WNT9A: variants seen among roughly 807,000 people sequenced by gnomAD.
WNT9A encodes the protein Wnt family member 9A, also known as protein Wnt-9a.
WNT9A carries 8 observed loss-of-function variants against 31.4 expected under a neutral mutation model. The ratio of observed to expected loss-of-function variants is 0.26; its 90% CI spans 0.15 to 0.46. The LOEUF is 0.46. Ranked by LOEUF, WNT9A falls within the 20% of genes least tolerant of loss-of-function variation. WNT9A has a pLI of 0.99. For synonymous variants in WNT9A, 236 were observed against 220.1 expected, an observed-to-expected ratio of 1.07 and a Z score of -0.64; for missense variants, 457 against 522.9, an observed-to-expected ratio of 0.87 and a Z score of 1.23.
rs1213989309 is a variant in WNT9A at position 227,925,506 on chromosome 1, C to T, written c.109G>A (p.Glu37Lys). The change falls in exon 2 of 4, where the codon GAG becomes AAG. Residue 37 changes from glutamate to lysine, a missense_variant. Physicochemically the swap from Glu to Lys is moderately conservative, Grantham distance 56 (BLOSUM62 1). Transcript: ENST00000272164. The surrounding 1 kb of genome is among the most constrained non-coding windows in gnomAD (Gnocchi z 6.0). ...SAAYFGLTGS[E>K]PLTILPLTLE... ...GTCAGCGGGAGGATGGTCAGGGGCTCGCTGCCCGTCAGCCTGGGCACAGAG... is the reference window on the plus strand; with the variant it reads ...GTCAGCGGGAGGATGGTCAGGGGCTTGCTGCCCGTCAGCCTGGGCACAGAG... 1.0e-5 allele frequency: 16 copies of T among 1,549,156 alleles called. No homozygotes were observed. Among genetic ancestry groups the T allele is most frequent in the South Asian group, 5.9e-5 (5 of 84,650 alleles).
intron 1 of WNT9A, among the ~76,000 whole-genome samples, chr1:227,944,154 C>T (rs138334891): frequency 6.6e-6 from 1 of 152,120 alleles, no homozygotes; most frequent in Non-Finnish European, 1.5e-5. Flanking sequence ...AACTGATGAA[C>T]GGTCAAAAAA....
chr1:227,925,282 C>A lies in WNT9A; in HGVS notation c.333G>T (p.Arg111=), dbSNP rs750870659. 4.5e-6 allele frequency: 7 copies of A among 1,567,412 alleles called. No individual in the cohort carries two copies. In the Admixed American group the frequency reaches 1.2e-4, roughly 28 times the overall value. ...RWNCTLEGRY[R]ASLLKRGFKE... Reference sequence around the variant, plus strand: ...ACTCACCTCGCTTGAGCAGGCTGGCCCGGTAGCGGCCCTCCAGCGTGCAGT... The same window carrying A: ...ACTCACCTCGCTTGAGCAGGCTGGCACGGTAGCGGCCCTCCAGCGTGCAGT... The change falls in exon 2 of 4, where the codon CGG becomes CGT. Residue 111 remains arginine (R), a synonymous_variant. Coordinates refer to ENST00000272164, the MANE Select transcript of WNT9A (RefSeq NM_003395.4). This position sits in a 1 kb window ranked among gnomAD's most constrained non-coding sequence, Gnocchi z 6.0.
rs1666327325 is a variant in WNT9A, at chr1:227,921,994, T to C, written c.622A>G (p.Lys208Glu). Residue 208 changes from lysine (K) to glutamate (E), a missense_variant, in exon 4 of 4, where the codon AAG (lysine) becomes GAG (glutamate). Lys to Glu is a moderately conservative substitution (Grantham distance 56). Transcript: ENST00000272164. ...HNNLVGVKVIKAGVETTCKCH... is the reference protein window; with the variant it reads ...HNNLVGVKVIEAGVETTCKCH... ...TTGCAGGTGGTCTCCACCCCAGCCT[T>C]GATCACCTGGCAGAAGGGTGCGGGA... The C allele has an allele frequency of 1.9e-6, 3 of 1,605,474 alleles. No individual in the cohort carries two copies. Among genetic ancestry groups the C allele is most frequent in the Admixed American group, 1.7e-5 (1 of 59,766 alleles).
At chr1:227,934,383 T>A (rs1358827477) in intron 1 of WNT9A, among the ~76,000 whole-genome samples, 2 of 152,262 alleles carry the variant, frequency 1.3e-5, no homozygotes, top group African/African-American at 4.8e-5. Context: ...TCTGGTTTTG[T>A]CAGTTTCATC....
intron 3 of WNT9A, among the ~76,000 whole-genome samples, chr1:227,923,336 T>C (rs1014959197): frequency 1.3e-5 from 2 of 152,082 alleles, no homozygotes; most frequent in Admixed American, 6.5e-5. Flanking sequence ...CAGCTTCCAA[T>C]AGAGGTGTCA....
chr1:227,927,339 C>T (rs568644437), intron 1 of WNT9A, among the ~76,000 whole-genome samples: 160 of 152,274 alleles, frequency 1.1e-3, no homozygotes, highest in African/African-American at 3.6e-3. Flanking sequence ...CCCAGAGGCA[C>T]GGGCCCCATG....
At chr1:227,936,031 C>T (rs750115416) in intron 1 of WNT9A, among the ~76,000 whole-genome samples, 2 of 152,336 alleles carry the variant, frequency 1.3e-5, no homozygotes, top group East Asian at 1.9e-4. Context: ...TCAGAGCCCA[C>T]GCTCTGCCCT....
At position 227,921,938 on chromosome 1, in the gene WNT9A, C is replaced by G. The variant is rs1034944815; in HGVS notation, c.678G>C (p.Val226=). ...GCGCCAACTGCCGCCAGCAGGTCCG[C>G]ACCGTGCATGAGCCTGACACGCCGT... The part of the protein sequence containing the change: ...KCHGVSGSCT[V]RTCWRQLAPF... The change falls in exon 4 of 4, where the codon GTG becomes GTC. Residue 226 remains valine (V), a synonymous_variant. Transcript: ENST00000272164. 1 of 1,613,148 alleles carries G rather than the reference C, an allele frequency of 6.2e-7. No individual in the cohort carries two copies. Among genetic ancestry groups the G allele is most frequent in the Non-Finnish European group, 8.5e-7 (1 of 1,179,930 alleles).
At position 227,925,482 on chromosome 1, in the gene WNT9A, T is replaced by C. The variant is rs1158957479; in HGVS notation, c.133A>G (p.Thr45Ala). The C allele has an allele frequency of 2.9e-5, 45 of 1,573,034 alleles. No homozygotes were observed. Among genetic ancestry groups the C allele is most frequent in the Non-Finnish European group, 3.9e-5 (45 of 1,163,936 alleles). The change falls in exon 2 of 4, where the codon ACC (threonine) becomes GCC (alanine). Residue 45 changes from threonine (T) to alanine (A), a missense_variant. By Grantham distance (58) the Thr-to-Ala change is moderately conservative. Coordinates refer to ENST00000272164, the MANE Select transcript of WNT9A (RefSeq NM_003395.4). The surrounding 1 kb of genome is among the most constrained non-coding windows in gnomAD (Gnocchi z 6.0). Reference protein sequence around the residue: ...GSEPLTILPLTLEPEAAAQAH... With the variant: ...GSEPLTILPLALEPEAAAQAH... The stretch of plus-strand genomic sequence containing the variant: ...TGGGCAGCCGCCTCTGGCTCCAGGG[T>C]CAGCGGGAGGATGGTCAGGGGCTCG...
intron 1 of WNT9A, among the ~76,000 whole-genome samples, chr1:227,939,060 C>T (rs1002277224): frequency 6.6e-6 from 1 of 152,226 alleles, no homozygotes; most frequent in Non-Finnish European, 1.5e-5. Context: ...CAGCCACTTC[C>T]CACCTCTGAC....
At chr1:227,947,698 C>T (rs1666817819) in intron 1 of WNT9A, 95 bp downstream of exon 1, 2 of 750,224 alleles carry the variant, frequency 2.7e-6, no homozygotes, top group Non-Finnish European at 3.3e-6. Flanking sequence ...CGCCCCGGCC[C>T]CAGCCACCCC....
chr1:227,941,391 G>A (rs1363795565), intron 1 of WNT9A, among the ~76,000 whole-genome samples: 4 of 150,100 alleles, frequency 2.7e-5, no homozygotes, highest in East Asian at 2.0e-4. Flanking sequence ...AGAGTTGAGC[G>A]ACCAGGGAGA....
intron 1 of WNT9A, among the ~76,000 whole-genome samples, chr1:227,947,535 GCGACTA>G (rs535868104): frequency 6.6e-6 from 1 of 151,814 alleles, no homozygotes; most frequent in African/African-American, 2.4e-5. Context: ...GCTCACGGCG[GCGACTA>G]CGACGACGAC....
In WNT9A at chr1:227,925,631, G is replaced by C; in HGVS notation, c.96-112C>G. The C allele has an allele frequency of 1.4e-6, 2 of 1,404,332 alleles. No homozygotes were observed. Among genetic ancestry groups the C allele is most frequent in the Non-Finnish European group, 1.9e-6 (2 of 1,077,070 alleles). The allele number at this position is 1,404,332 out of a possible 1,614,324, so 87.0% of individuals were successfully genotyped here. On this transcript the variant is annotated intron_variant, in intron 1 of 3. Coordinates refer to ENST00000272164, the MANE Select transcript of WNT9A (RefSeq NM_003395.4). The surrounding 1 kb of genome is among the most constrained non-coding windows in gnomAD (Gnocchi z 6.0). ...ACAGGCGTGTCCATCCGGGGGTGAG[G>C]GGGCAGAAAGAATCCAGGATGAGCC... is the stretch of plus-strand genomic sequence containing the variant.
intron 1 of WNT9A, among the ~76,000 whole-genome samples, chr1:227,929,775 A>G (rs1666477453): frequency 6.6e-6 from 1 of 152,208 alleles, no homozygotes; most frequent in Non-Finnish European, 1.5e-5. Context: ...TCAAGGCTGC[A>G]GTGAGCTGTG....
intron 3 of WNT9A, 72 bp downstream of exon 3, chr1:227,924,066 A>AGC: frequency 3.9e-5 from 1 of 25,380 alleles, no homozygotes; most frequent in Non-Finnish European, 6.8e-5. Context: ...CCCCAGTCCC[A>AGC]CGCCCCACCC....
Position 227,926,894 on chromosome 1 carries a change from T to C in WNT9A, c.96-1375A>G, listed in dbSNP as rs1276428909. Reference sequence around the variant, plus strand: ...CCAAGAGGCTCCCTAGCATACCCCATCAAAGGCAAGGCCACATAGGTAACC... The same window carrying C: ...CCAAGAGGCTCCCTAGCATACCCCACCAAAGGCAAGGCCACATAGGTAACC... On this transcript the variant is annotated intron_variant, in intron 1 of 3. Coordinates refer to ENST00000272164, the MANE Select transcript of WNT9A (RefSeq NM_003395.4). This position sits in a 1 kb window ranked among gnomAD's most constrained non-coding sequence, Gnocchi z 5.0. 1.3e-5 allele frequency among the ~76,000 whole-genome samples: 2 copies of C among 151,718 alleles called. No individual in the cohort carries two copies. Among genetic ancestry groups the C allele is most frequent in the African/African-American group, 2.4e-5 (1 of 41,274 alleles).
intron 1 of WNT9A, among the ~76,000 whole-genome samples, chr1:227,943,920 G>C (rs1201952072): frequency 1.3e-5 from 2 of 152,180 alleles, no homozygotes; most frequent in African/African-American, 4.8e-5. Flanking sequence ...GGTGGAGGCA[G>C]CAATGAGCCT....
chr1:227,921,811 G>A lies in WNT9A; in HGVS notation c.805C>T (p.Pro269Ser). The A allele has an allele frequency of 1.2e-6, 2 of 1,612,894 alleles. No individual in the cohort carries two copies. Among genetic ancestry groups the A allele is most frequent in the Non-Finnish European group, 8.5e-7 (1 of 1,179,874 alleles). ...EAAGEAGAIS[P>S]PRGRASGAGG... ...GCCCCCGAGGCACGGCCCCGTGGTGGGGAGATGGCACCTGCCTCGCCGGCA... is the reference window on the plus strand; with the variant it reads ...GCCCCCGAGGCACGGCCCCGTGGTGAGGAGATGGCACCTGCCTCGCCGGCA... Residue 269 changes from proline (P) to serine (S), a missense_variant, in exon 4 of 4, where the codon CCA (proline) becomes TCA (serine). By Grantham distance (74) the Pro-to-Ser change is moderately conservative (BLOSUM62 -1). Coordinates refer to ENST00000272164, the MANE Select transcript of WNT9A (RefSeq NM_003395.4).
Sources: gnomAD v4.1 joint callset for allele counts (sites outside exome capture counted in the v4.1 genomes callset) on GRCh38, gnomAD v4.1.1 for gene constraint, Gnocchi (gnomAD v3.1) non-coding constraint, MANE v1.5 for transcripts, NCBI Gene and HGNC (gene_info 2026-07-23, HGNC 2026-07-21) for gene names.